SNTG2: variants seen among roughly 807,000 people sequenced by gnomAD.
The protein encoded by SNTG2 is syntrophin gamma 2, also known as gamma-2-syntrophin.
A neutral mutation model predicts 70.9 loss-of-function variants in SNTG2; 74 were observed. The ratio of observed to expected loss-of-function variants is 1.04; its 90% CI spans 0.86 to 1.27. The LOEUF is 1.27. Among genes scored for constraint, SNTG2 ranks in the 50% most tolerant of loss-of-function variants. The pLI is 0.00. For missense variants in SNTG2, 717 were observed against 690.7 expected, an observed-to-expected ratio of 1.04 and a Z score of -0.43; for synonymous variants, 278 against 273.8, an observed-to-expected ratio of 1.02 and a Z score of -0.15.
At chr2:1,255,063 G>A (rs1677971416) in intron 12 of SNTG2, among the ~76,000 whole-genome samples, 1 of 152,136 alleles carries the variant, frequency 6.6e-6, no homozygotes, top group Admixed American at 6.5e-5. Context: ...TGCGGTCCTG[G>A]AAAATCGTGT....
At chr2:1,236,729 T>A (rs991903250) in intron 9 of SNTG2, among the ~76,000 whole-genome samples, 5 of 152,222 alleles carry the variant, frequency 3.3e-5, no homozygotes, top group Admixed American at 3.3e-4. Flanking sequence ...AACTGTGTTA[T>A]ACCATCTCTG....
At chr2:1,022,893 G>A (rs1197101052) in intron 1 of SNTG2, among the ~76,000 whole-genome samples, 2 of 152,182 alleles carry the variant, frequency 1.3e-5, no homozygotes, top group East Asian at 1.9e-4. Flanking sequence ...ACAAGGCCTA[G>A]GGACTGTCGT....
intron 1 of SNTG2, among the ~76,000 whole-genome samples, chr2:988,213 C>T (rs1312252251): frequency 5.9e-5 from 9 of 152,224 alleles, no homozygotes; most frequent in Admixed American, 3.9e-4. Flanking sequence ...GGCGTGGACA[C>T]TCAGGTGGGG....
chr2:1,025,504 C>T (rs1056476269), intron 1 of SNTG2, among the ~76,000 whole-genome samples: 2 of 152,150 alleles, frequency 1.3e-5, no homozygotes, highest in South Asian at 2.1e-4. Context: ...AAATGGGTTG[C>T]ACTAGGCTAA....
intron 12 of SNTG2, among the ~76,000 whole-genome samples, chr2:1,252,441 G>A (rs1266631191): frequency 6.6e-6 from 1 of 152,176 alleles, no homozygotes; most frequent in Admixed American, 6.5e-5. Context: ...GATTAAGGAA[G>A]GATGATTAGT....
chr2:1,057,618 T>G (rs1054375593), intron 1 of SNTG2, among the ~76,000 whole-genome samples: 6 of 152,152 alleles, frequency 3.9e-5, no homozygotes, highest in African/African-American at 1.4e-4. Context: ...CCACTGAAAT[T>G]AAGGGTGGGT....
At chr2:952,300 T>C (rs746141509) in intron 1 of SNTG2, among the ~76,000 whole-genome samples, 1 of 152,212 alleles carries the variant, frequency 6.6e-6, no homozygotes, top group Non-Finnish European at 1.5e-5. Context: ...GTCACTGCCT[T>C]CAGCTTTATA....
At chr2:1,367,182 G>T (rs1000721584) in intron 16 of SNTG2, among the ~76,000 whole-genome samples, 161 bp from the exon 17 acceptor site, 5 of 152,228 alleles carry the variant, frequency 3.3e-5, no homozygotes, top group African/African-American at 1.2e-4. Flanking sequence ...TTTGGATCAT[G>T]TTACTCTGCC....
chr2:1,146,932 T>C (rs904010834), intron 6 of SNTG2, among the ~76,000 whole-genome samples: 4 of 152,220 alleles, frequency 2.6e-5, no homozygotes, highest in African/African-American at 4.8e-5. Context: ...TCCTCCTCCT[T>C]TTGTTAAAAG....
At chr2:1,245,376 G>A (rs1453115607) in intron 11 of SNTG2, among the ~76,000 whole-genome samples, 1 of 152,158 alleles carries the variant, frequency 6.6e-6, no homozygotes, top group East Asian at 1.9e-4. Context: ...CCATGTGCCT[G>A]GTCTTCCTGG....
At chr2:1,070,520 C>T (rs1046748535) in intron 1 of SNTG2, among the ~76,000 whole-genome samples, 4 of 152,230 alleles carry the variant, frequency 2.6e-5, no homozygotes, top group Admixed American at 6.5e-5. Context: ...ATGTTAATAT[C>T]GTTTCAATGT....
chr2:1,211,850 T>G (rs1384495695), intron 9 of SNTG2, among the ~76,000 whole-genome samples: 1 of 152,142 alleles, frequency 6.6e-6, no homozygotes, highest in African/African-American at 2.4e-5. Flanking sequence ...CTAGTAATTC[T>G]TAACTAAATG....
At chr2:1,248,826 ATGTGTTACC>A (rs1677592645) in intron 12 of SNTG2, among the ~76,000 whole-genome samples, 1 of 152,178 alleles carries the variant, frequency 6.6e-6, no homozygotes, top group South Asian at 2.1e-4. Context: ...ATATCACTCC[ATGTGTTACC>A]TGTGTGGCCT....
intron 1 of SNTG2, among the ~76,000 whole-genome samples, chr2:1,022,182 G>A (rs921872990): frequency 3.9e-5 from 6 of 152,052 alleles, no homozygotes; most frequent in Non-Finnish European, 8.8e-5. Flanking sequence ...CGAAGGAAAG[G>A]AAATCCTGCG....
intron 9 of SNTG2, among the ~76,000 whole-genome samples, chr2:1,210,071 T>C (rs1673938269): frequency 6.6e-6 from 1 of 152,160 alleles, no homozygotes; most frequent in Non-Finnish European, 1.5e-5. Context: ...GGTCCTTAAA[T>C]GGAAGGAAAA....
At chr2:1,331,151 A>G (rs190284129) in intron 16 of SNTG2, among the ~76,000 whole-genome samples, 1 of 151,932 alleles carries the variant, frequency 6.6e-6, no homozygotes, top group East Asian at 1.9e-4. Flanking sequence ...CATTGCTGAA[A>G]CCTCTCTAAT....
At chr2:1,028,615 A>T (rs774570419) in intron 1 of SNTG2, among the ~76,000 whole-genome samples, 1 of 152,030 alleles carries the variant, frequency 6.6e-6, no homozygotes, top group Non-Finnish European at 1.5e-5. Context: ...CTTTCCCTTC[A>T]TGTGGATCTA....
Position 1,249,407 on chromosome 2 carries a change from G to A in SNTG2, c.1005+1964G>A, listed in dbSNP as rs965604808. ...AATATACTTGACCGAGGATTGTTTTGGATAATTTATTTAAAATCCTCTCTT... is the reference window on the plus strand; with the variant it reads ...AATATACTTGACCGAGGATTGTTTTAGATAATTTATTTAAAATCCTCTCTT... On this transcript the variant is annotated intron_variant, in intron 12 of 16. Coordinates refer to ENST00000308624, the MANE Select transcript of SNTG2 (RefSeq NM_018968.4). Among the ~76,000 whole-genome samples the A allele has an allele frequency of 2.6e-5, 4 of 152,018 alleles. No individual in the cohort carries two copies. The South Asian group carries it at 8.3e-4, about 32-fold the overall frequency.
intron 4 of SNTG2, among the ~76,000 whole-genome samples, chr2:1,100,944 G>A (rs370376808): frequency 2.5e-4 from 34 of 133,506 alleles, no homozygotes; most frequent in African/African-American, 8.4e-4. Flanking sequence ...TGACCCTGGG[G>A]TTGTAGCCCG....
Sources: allele counts gnomAD v4.1 joint callset (sites outside exome capture counted in the v4.1 genomes callset), GRCh38; gene constraint gnomAD v4.1.1; transcripts MANE v1.5; gene names NCBI Gene and HGNC (gene_info 2026-07-23, HGNC 2026-07-21).